The following SYNE2 variants were observed in gnomAD, a reference collection of about 807,000 sequenced individuals.
SYNE2 encodes nesprin-2.
In SYNE2, 431 loss-of-function variants were observed where a neutral mutation model predicts 856.3. The observed-to-expected ratio is 0.50, with a 90% CI of 0.47 to 0.55. The LOEUF (loss-of-function observed/expected upper bound fraction) is 0.55, where lower values mean the gene tolerates loss of function less well. Among genes scored for constraint, SYNE2 ranks in the 20% least tolerant of loss-of-function variants. SYNE2 has a pLI of 0.00. For synonymous variants in SYNE2, 2,923 were observed against 2,872.3 expected, an observed-to-expected ratio of 1.02 and a Z score of -0.56; for missense variants, 8,129 against 8,023.2, an observed-to-expected ratio of 1.01 and a Z score of -0.50.
chr14:64,210,276 A>G, intron 103 of SYNE2, 152 bp downstream of exon 103: 1 of 1,058,008 alleles, frequency 9.5e-7, no homozygotes, highest in Non-Finnish European at 1.3e-6. Flanking sequence ...AGAAGCCCAA[A>G]GCTGCCAACG....
intron 32 of SYNE2, among the ~76,000 whole-genome samples, chr14:64,012,008 A>G (rs888208526): frequency 2.6e-5 from 4 of 152,140 alleles, no homozygotes; most frequent in Non-Finnish European, 4.4e-5. Context: ...CAGAAAGTCA[A>G]TCTCTGTGGG....
At chr14:63,981,418 C>T (rs2096584927) in intron 16 of SYNE2, among the ~76,000 whole-genome samples, 1 of 152,104 alleles carries the variant, frequency 6.6e-6, no homozygotes, top group Admixed American at 6.6e-5. Context: ...ACACATAGAG[C>T]TTTCTTAAGG....
In SYNE2 at chr14:64,039,607, C is replaced by T. The variant is rs527359107; in HGVS notation, c.7221+8250C>T. Among the ~76,000 whole-genome samples the T allele has an allele frequency of 1.6e-4, 25 of 152,290 alleles. No individual in the cohort carries two copies. The East Asian group carries it at 4.6e-3, about 28-fold the overall frequency. On this transcript the variant is annotated intron_variant, in intron 45 of 115. Coordinates refer to ENST00000555002, the MANE Select transcript of SYNE2 (RefSeq NM_182914.3). ...AGACGTTGTTGGCCATGTAGCCCAA[C>T]CATGCTTTGATAGAATGGTCATTTT...
intron 2 of SYNE2, among the ~76,000 whole-genome samples, chr14:63,934,820 G>A (rs2095809780): frequency 6.6e-6 from 1 of 152,022 alleles, no homozygotes; most frequent in South Asian, 2.1e-4. Context: ...TTAAAAATAA[G>A]GAAGAGAGTA....
intron 1 of SYNE2, among the ~76,000 whole-genome samples, chr14:63,811,727 G>T (rs988316670): frequency 3.3e-5 from 5 of 152,118 alleles, no homozygotes; most frequent in African/African-American, 1.2e-4. Flanking sequence ...TTACAGCTAG[G>T]CTTCCGGGGG....
intron 48 of SYNE2, among the ~76,000 whole-genome samples, chr14:64,054,507 C>T (rs1243762786): frequency 6.6e-6 from 1 of 152,116 alleles, no homozygotes; most frequent in African/African-American, 2.4e-5. Flanking sequence ...GTAACAGAAC[C>T]AGAGCAGGGA....
Position 64,159,492 on chromosome 14 carries a change from T to C in SYNE2, c.16094+50T>C, listed in dbSNP as rs756135801. ...TGATAGATATCTTTATCTTAATGAC[T>C]TGTGAAGAATGAGGGGGCATAGGCA... is the stretch of plus-strand genomic sequence containing the variant. On this transcript the variant is annotated intron_variant, in intron 87 of 115. Transcript: ENST00000555002. The C allele has an allele frequency of 2.5e-6, 4 of 1,601,266 alleles. 1 individual carries two copies. The highest frequency in any genetic ancestry group is 2.2e-5 in the East Asian group (1 of 44,586).
chr14:64,218,553 T>C, intron 109 of SYNE2, 41 bp downstream of exon 109: 1 of 1,589,772 alleles, frequency 6.3e-7, no homozygotes, highest in Non-Finnish European at 8.6e-7. Flanking sequence ...AGGCAGAGTA[T>C]GGTATTTAAG....
intron 45 of SYNE2, among the ~76,000 whole-genome samples, chr14:64,032,566 TTTGTTG>T (rs57794503): frequency 6.7e-6 from 1 of 149,748 alleles, no homozygotes; most frequent in East Asian, 2.0e-4. Context: ...TATCTCTAAT[TTTGTTG>T]TTGTTGTTGT....
chr14:64,052,077 G>C lies in SYNE2; in HGVS notation c.8164G>C (p.Glu2722Gln). The C allele has an allele frequency of 6.2e-7, 1 of 1,614,204 alleles. No individual in the cohort carries two copies. Among genetic ancestry groups the C allele is most frequent in the Non-Finnish European group, 8.5e-7 (1 of 1,180,038 alleles). Residue 2722 changes from glutamate to glutamine, a missense_variant, in exon 48 of 116, where the codon GAA becomes CAA. Around this residue, in one of 3 missense-constraint regions of SYNE2, gnomAD observed 5,410 missense variants for 5,284.8 expected, o/e 1.02. Transcript: ENST00000555002. ...GGAAACATTGGAGCCATTACACTTAGAAGCAGAAAATCAGATTAAGAAGTG... is the reference window on the plus strand; with the variant it reads ...GGAAACATTGGAGCCATTACACTTACAAGCAGAAAATCAGATTAAGAAGTG... The part of the protein sequence containing the change: ...QWETLEPLHL[E>Q]AENQIKKCDI...
rs181217186 is a variant in SYNE2 at position 64,195,042 on chromosome 14, G to A, written c.18038+4805G>A. Among the ~76,000 whole-genome samples the A allele has an allele frequency of 8.9e-4, 136 of 152,268 alleles. 1 individual carries two copies. The highest frequency in any genetic ancestry group is 1.9e-4 in the Non-Finnish European group (13 of 68,026). On this transcript the variant is annotated intron_variant, in intron 99 of 115. Transcript: ENST00000555002. ...GAGCTCTGTAGACACAGGTGGGGCT[G>A]TGTCTTCAGTGAGTCCCTCTGGCAG...
intron 2 of SYNE2, among the ~76,000 whole-genome samples, chr14:63,925,133 C>T (rs1247406939): frequency 2.0e-5 from 3 of 151,846 alleles, no homozygotes; most frequent in Admixed American, 6.6e-5. Context: ...AAAAACCTGT[C>T]TCTAAAAATA....
At chr14:64,188,509 T>C (rs761824392) in intron 97 of SYNE2, 41 bp from the exon 98 acceptor site, 1 of 1,613,684 alleles carries the variant, frequency 6.2e-7, no homozygotes, top group East Asian at 2.2e-5. Context: ...GTGCTTTCCT[T>C]CCTGGCTATA....
At position 64,056,082 on chromosome 14, in the gene SYNE2, A is replaced by G. The variant is rs772812503; in HGVS notation, c.9883A>G (p.Met3295Val). 1.9e-6 allele frequency: 3 copies of G among 1,614,194 alleles called. No homozygotes were observed. Among genetic ancestry groups the G allele is most frequent in the Non-Finnish European group, 2.5e-6 (3 of 1,180,012 alleles). ...TGGTAATCCAGAAGAATCTTTAGAG[A>G]TGCCTCTTCGAAAACAAGAGGAATT... The part of the protein sequence containing the change: ...DVGNPEESLE[M>V]PLRKQEELES... The change falls in exon 49 of 116, where the codon ATG (methionine) becomes GTG (valine). Residue 3295 changes from methionine (M) to valine (V), a missense_variant. Coordinates refer to ENST00000555002, the MANE Select transcript of SYNE2 (RefSeq NM_182914.3).
intron 96 of SYNE2, among the ~76,000 whole-genome samples, chr14:64,178,484 G>T (rs914462254): frequency 6.6e-6 from 1 of 152,136 alleles, no homozygotes; most frequent in Admixed American, 6.5e-5. Context: ...AAGAGACAGG[G>T]TCTGGCTCTG....
At position 64,134,164 on chromosome 14, in the gene SYNE2, A is replaced by G; in HGVS notation, c.14610A>G (p.Thr4870=). 1.1e-5 allele frequency: 18 copies of G among 1,614,170 alleles called. No individual in the cohort carries two copies. Among genetic ancestry groups the G allele is most frequent in the Non-Finnish European group, 1.4e-5 (16 of 1,179,996 alleles). ...CCTCTGTGAGTTTGGTGGAAGAAAC[A>G]GAGGAAAGATTAGTGGAAAGGATTT... ...TLPSVSLVEE[T]EERLVERISF... is the part of the protein sequence containing the mutation. The change falls in exon 78 of 116, where the codon ACA becomes ACG. Residue 4870 remains threonine (T), a synonymous_variant. Transcript: ENST00000555002.
At position 64,188,615 on chromosome 14, in the gene SYNE2, TAA is replaced by T. The variant is rs773400613; in HGVS notation, c.17780_17781del (p.Lys5927ArgfsTer20). ...CATGGGTTGTATTCAATGAAAAAAA[TAA>T]AGAGTTGTGTGCCTGGCTGGTGCAG... The part of the protein sequence containing the change: ...NTWVVFNEKN[K>X]ELCAWLVQME... On this transcript the variant is annotated frameshift_variant, in exon 98 of 116. Transcript: ENST00000555002. LOFTEE classifies it high-confidence loss of function. 1.9e-6 allele frequency: 3 copies of T among 1,614,030 alleles called. No homozygotes were observed. Among genetic ancestry groups the T allele is most frequent in the African/African-American group, 1.3e-5 (1 of 74,992 alleles).
intron 60 of SYNE2, among the ~76,000 whole-genome samples, chr14:64,092,194 T>C (rs531121416): frequency 1.3e-5 from 2 of 152,362 alleles, no homozygotes; most frequent in African/African-American, 4.8e-5. Context: ...CGGTCCTAAC[T>C]ATGCTTTCAA....
At chr14:64,125,299 C>T (rs1271206818) in intron 71 of SYNE2, 89 bp downstream of exon 71, 3 of 1,561,966 alleles carry the variant, frequency 1.9e-6, no homozygotes, top group Middle Eastern at 1.7e-4. Flanking sequence ...ATTGTCGTCA[C>T]TGAACAAGTC....
Sources: gnomAD v4.1 joint callset for allele counts (sites outside exome capture counted in the v4.1 genomes callset) on GRCh38, gnomAD v4.1.1 for gene constraint, gnomAD v4.1.1 regional missense constraint, MANE v1.5 for transcripts, NCBI Gene and HGNC (gene_info 2026-07-23, HGNC 2026-07-21) for gene names.